The following JARID2 variants were observed in gnomAD, a reference collection of about 807,000 sequenced individuals.
JARID2 encodes the protein protein Jumonji.
Under a neutral mutation model 125.6 loss-of-function variants are expected in JARID2, and 21 were observed. The ratio of observed to expected loss-of-function variants is 0.17; its 90% CI spans 0.12 to 0.24. JARID2 has a LOEUF of 0.24. Among genes scored for constraint, JARID2 ranks in the 10% least tolerant of loss-of-function variants. The pLI, the probability that JARID2 is intolerant of heterozygous loss-of-function variation, is 1.00. For missense variants in JARID2, 1,303 were observed against 1,639.6 expected (o/e 0.79, Z 3.55); for synonymous variants, 736 against 661.6 (o/e 1.11, Z -1.73).
intron 5 of JARID2, among the ~76,000 whole-genome samples, chr6:15,479,279 A>G (rs1769499299): frequency 6.6e-6 from 1 of 152,122 alleles, no homozygotes; most frequent in Non-Finnish European, 1.5e-5. Context: ...CCAAGAAGCC[A>G]TTTTTCAATG....
At chr6:15,285,567 A>G (rs1264370147) in intron 1 of JARID2, among the ~76,000 whole-genome samples, 3 of 151,370 alleles carry the variant, frequency 2.0e-5, no homozygotes, top group Admixed American at 1.3e-4. Context: ...AAAAATACAT[A>G]TATATATATA....
intron 1 of JARID2, among the ~76,000 whole-genome samples, chr6:15,297,263 C>A (rs1477352625): frequency 6.6e-6 from 1 of 152,160 alleles, no homozygotes; most frequent in Admixed American, 6.5e-5. Flanking sequence ...CAGTTCTCTG[C>A]CTCAGCCTCC....
chr6:15,293,049 A>G (rs1352998270), intron 1 of JARID2, among the ~76,000 whole-genome samples: 2 of 152,192 alleles, frequency 1.3e-5, no homozygotes, highest in Non-Finnish European at 2.9e-5. Context: ...CAACTATAAA[A>G]AGTTTTACAG....
intron 4 of JARID2, among the ~76,000 whole-genome samples, chr6:15,454,004 G>A (rs1210268449): frequency 2.0e-5 from 3 of 152,164 alleles, no homozygotes; most frequent in Non-Finnish European, 2.9e-5. Context: ...GTTTATAAGG[G>A]TCTATCCGAA....
chr6:15,350,624 CTCATCACT>C (rs1055113783), intron 1 of JARID2, among the ~76,000 whole-genome samples: 56 of 152,200 alleles, frequency 3.7e-4, no homozygotes, highest in African/African-American at 1.3e-3. Flanking sequence ...TGTTCATAAC[CTCATCACT>C]TCCTTATAGT....
At chr6:15,306,581 G>A (rs960032251) in intron 1 of JARID2, among the ~76,000 whole-genome samples, 20 of 151,512 alleles carry the variant, frequency 1.3e-4, no homozygotes, top group African/African-American at 3.6e-4. Context: ...CAGGTGATCC[G>A]CCCGCCTCGG....
chr6:15,476,264 C>A (rs562163460), intron 5 of JARID2, among the ~76,000 whole-genome samples: 13 of 152,342 alleles, frequency 8.5e-5, no homozygotes, highest in African/African-American at 3.1e-4. Flanking sequence ...GCTGAAGAAC[C>A]TAGAACCCAG....
At chr6:15,311,126 T>A (rs142760950) in intron 1 of JARID2, among the ~76,000 whole-genome samples, 1 of 152,288 alleles carries the variant, frequency 6.6e-6, no homozygotes, top group Non-Finnish European at 1.5e-5. Flanking sequence ...GCGTGGCGTA[T>A]CAATGGGGCT....
At chr6:15,351,206 C>T (rs1763417938) in intron 1 of JARID2, among the ~76,000 whole-genome samples, 2 of 152,054 alleles carry the variant, frequency 1.3e-5, no homozygotes, top group South Asian at 2.1e-4. Flanking sequence ...AGTAGGTGAG[C>T]CAAGCATTTC....
intron 7 of JARID2, among the ~76,000 whole-genome samples, chr6:15,500,541 C>T (rs13192892): frequency 0.22 from 32,870 of 152,070 alleles, 3,920 homozygotes; most frequent in Middle Eastern, 0.36. Context: ...TCATGACACC[C>T]GCCTCCATGT....
At chr6:15,310,001 A>G (rs990922789) in intron 1 of JARID2, among the ~76,000 whole-genome samples, 4 of 152,352 alleles carry the variant, frequency 2.6e-5, no homozygotes, top group South Asian at 2.1e-4. Flanking sequence ...AAGAAAGTCA[A>G]GGAAGCAGCA....
intron 1 of JARID2, among the ~76,000 whole-genome samples, chr6:15,322,775 G>C (rs891352737): frequency 2.6e-5 from 4 of 152,160 alleles, no homozygotes; most frequent in Admixed American, 1.3e-4. Context: ...GTGAACCCTG[G>C]GGGTAGCAGT....
At chr6:15,315,738 G>A (rs1275916173) in intron 1 of JARID2, among the ~76,000 whole-genome samples, 2 of 152,094 alleles carry the variant, frequency 1.3e-5, no homozygotes, top group Non-Finnish European at 2.9e-5. Context: ...TTCAAGTTCT[G>A]TTTCAAGTTC....
At chr6:15,397,093 G>T (rs1240787513) in intron 2 of JARID2, among the ~76,000 whole-genome samples, 2 of 152,128 alleles carry the variant, frequency 1.3e-5, no homozygotes, top group Non-Finnish European at 2.9e-5. Context: ...ATTCTGGTTG[G>T]TATAGTGCCA....
In JARID2 at chr6:15,497,154, C is replaced by G. The variant is rs751397993; in HGVS notation, c.1929C>G (p.Asp643Glu). The G allele has an allele frequency of 6.5e-7, 1 of 1,549,424 alleles. No individual in the cohort carries two copies. Among genetic ancestry groups the G allele is most frequent in the South Asian group, 1.2e-5 (1 of 83,980 alleles). ...KHLKSQGITMDELPLIGGCEL... is the reference protein window; with the variant it reads ...KHLKSQGITMEELPLIGGCEL... The stretch of plus-strand genomic sequence containing the variant: ...TCAAATCTCAGGGCATCACCATGGA[C>G]GAGCTCCCGCTCATAGGTAGGTCTG... Residue 643 changes from aspartate (D) to glutamate (E), a missense_variant, in exon 7 of 18, where the codon GAC (aspartate) becomes GAG (glutamate). By Grantham distance (45) the Asp-to-Glu change is conservative (BLOSUM62 2). This residue lies in a region of JARID2 where 64 missense variants were observed against 166.8 expected (regional missense o/e 0.38). Transcript: ENST00000341776.
chr6:15,376,096 A>G (rs1010559350), intron 2 of JARID2, among the ~76,000 whole-genome samples: 4 of 152,184 alleles, frequency 2.6e-5, no homozygotes, highest in African/African-American at 7.2e-5. Context: ...CTGAGGAGAA[A>G]AATCTCAGTT....
At position 15,513,436 on chromosome 6, in the gene JARID2, G is replaced by T. The variant is rs747958265; in HGVS notation, c.3450+14G>T. 18 of 1,586,826 alleles carry T rather than the reference G, an allele frequency of 1.1e-5. No individual in the cohort carries two copies. Among genetic ancestry groups the T allele is most frequent in the Non-Finnish European group, 1.5e-5 (18 of 1,163,404 alleles). On this transcript the variant is annotated intron_variant, in intron 16 of 17. Coordinates refer to ENST00000341776, the MANE Select transcript of JARID2 (RefSeq NM_004973.4). ...TACCTGTCCATGGTGAGCCCGCCTG[G>T]CCCTGCCGGCGCCCTCGCATGTAGT...
chr6:15,496,331 C>T lies in JARID2; in HGVS notation c.1106C>T (p.Ser369Phe). 1 of 1,614,196 alleles carries T rather than the reference C, an allele frequency of 6.2e-7. No homozygotes were observed. The highest frequency in any genetic ancestry group is 8.5e-7 in the Non-Finnish European group (1 of 1,180,038). The change falls in exon 7 of 18, where the codon TCC becomes TTC. Residue 369 changes from serine to phenylalanine, a missense_variant. Physicochemically the swap from Ser to Phe is radical, Grantham distance 155. Coordinates refer to ENST00000341776, the MANE Select transcript of JARID2 (RefSeq NM_004973.4). ...DTKPNHHKPS[S>F]AVNHTISGKT... ...AAACCCAATCACCACAAGCCCAGTT[C>T]CGCTGTCAACCACACAATCTCAGGG... is the stretch of plus-strand genomic sequence containing the variant.
chr6:15,487,181 G>T, intron 5 of JARID2, 126 bp from the exon 6 acceptor site: 1 of 763,268 alleles, frequency 1.3e-6, no homozygotes, highest in South Asian at 1.8e-5. Flanking sequence ...CAGTTCCCTC[G>T]CTAACACATG....
Sources: gnomAD v4.1 joint callset for allele counts (sites outside exome capture counted in the v4.1 genomes callset) on GRCh38, gnomAD v4.1.1 for gene constraint, gnomAD v4.1.1 regional missense constraint, MANE v1.5 for transcripts, NCBI Gene and HGNC (gene_info 2026-07-23, HGNC 2026-07-21) for gene names.